The following MAP2K6 variants were observed in gnomAD, a reference collection of about 807,000 sequenced individuals.
MAP2K6 encodes the protein mitogen-activated protein kinase kinase 6.
A neutral mutation model predicts 53.7 loss-of-function variants in MAP2K6; 16 were observed. The ratio of observed to expected loss-of-function variants is 0.30; its 90% CI spans 0.20 to 0.45. MAP2K6 has a LOEUF of 0.45. Ranked by LOEUF, MAP2K6 falls within the 20% of genes least tolerant of loss-of-function variation. MAP2K6 has a pLI of 1.00. For missense variants in MAP2K6, 204 were observed against 411.9 expected, an observed-to-expected ratio of 0.50 and a Z score of 4.37; for synonymous variants, 132 against 143.1, an observed-to-expected ratio of 0.92 and a Z score of 0.55.
chr17:69,536,121 G>A lies in MAP2K6; in HGVS notation c.888G>A (p.Lys296=). 1 of 1,606,998 alleles carries A rather than the reference G, an allele frequency of 6.2e-7. No individual in the cohort carries two copies. Among genetic ancestry groups the A allele is most frequent in the East Asian group, 2.2e-5 (1 of 44,748 alleles). ...TTATTTTTTTTTCTTTAAGCTTAAAGAAGAATTCCAAAGAACGGCCTACAT... is the reference window on the plus strand; with the variant it reads ...TTATTTTTTTTTCTTTAAGCTTAAAAAAGAATTCCAAAGAACGGCCTACAT... ...EFVDFTSQCL[K]KNSKERPTYP... The change falls in exon 11 of 12, where the codon AAG becomes AAA. Residue 296 remains lysine, a synonymous_variant. Coordinates refer to ENST00000590474, the MANE Select transcript of MAP2K6 (RefSeq NM_002758.4).
At chr17:69,533,550 G>A (rs954469934) in intron 10 of MAP2K6, among the ~76,000 whole-genome samples, 4 of 152,136 alleles carry the variant, frequency 2.6e-5, no homozygotes, top group Non-Finnish European at 5.9e-5. Context: ...GATGCAATGC[G>A]GAGTTTAAGG....
At chr17:69,428,353 T>G (rs1473924357) in intron 1 of MAP2K6, among the ~76,000 whole-genome samples, 1 of 152,240 alleles carries the variant, frequency 6.6e-6, no homozygotes, top group African/African-American at 2.4e-5. Context: ...TCTCTGCATT[T>G]CTTCCCCTGT....
chr17:69,501,190 G>A (rs1909156284), intron 1 of MAP2K6, among the ~76,000 whole-genome samples: 2 of 152,150 alleles, frequency 1.3e-5, no homozygotes, highest in Non-Finnish European at 1.5e-5. Flanking sequence ...CCATCCTTTT[G>A]TGAAGCTGTG....
At chr17:69,481,311 A>G (rs1386563650) in intron 1 of MAP2K6, among the ~76,000 whole-genome samples, 2 of 152,186 alleles carry the variant, frequency 1.3e-5, no homozygotes, top group Non-Finnish European at 2.9e-5. Flanking sequence ...ATGTTGTAGC[A>G]TGTGTCAGAA....
intron 1 of MAP2K6, 120 bp downstream of exon 1, chr17:69,415,120 G>A (rs1905856589): frequency 2.2e-6 from 2 of 897,400 alleles, no homozygotes; most frequent in Non-Finnish European, 3.6e-6. Context: ...CCACAGCTCA[G>A]TTGCATTTCC....
At chr17:69,417,233 G>T (rs1905935128) in intron 1 of MAP2K6, among the ~76,000 whole-genome samples, 1 of 152,144 alleles carries the variant, frequency 6.6e-6, no homozygotes, top group African/African-American at 2.4e-5. Flanking sequence ...ATTCTCAAAT[G>T]GCCAAAATAC....
intron 1 of MAP2K6, among the ~76,000 whole-genome samples, chr17:69,487,148 A>T (rs1249616585): frequency 6.6e-6 from 1 of 152,190 alleles, no homozygotes; most frequent in East Asian, 1.9e-4. Context: ...TTTCCTTTGG[A>T]TACCAGAATT....
intron 1 of MAP2K6, among the ~76,000 whole-genome samples, chr17:69,483,850 G>T (rs971428347): frequency 1.1e-4 from 17 of 152,060 alleles, no homozygotes; most frequent in Non-Finnish European, 5.9e-5. Context: ...GGGGAAAGGA[G>T]TAGTCTTTTC....
chr17:69,501,109 G>C (rs779438684), intron 1 of MAP2K6, among the ~76,000 whole-genome samples: 15 of 152,208 alleles, frequency 9.9e-5, no homozygotes, highest in Non-Finnish European at 2.2e-4. Context: ...TAGATTGCCA[G>C]TTACTTGGCT....
In MAP2K6 at chr17:69,547,147, A is replaced by G. The variant is rs1166017754; in HGVS notation, c.*5394A>G. On this transcript the variant is annotated 3_prime_UTR_variant, in exon 12 of 12. Coordinates refer to ENST00000590474, the MANE Select transcript of MAP2K6 (RefSeq NM_002758.4). ...TGTTGAAAGCTAGGACCTTTTCCCC[A>G]GGAAAATTTACATTGTATATGAAGC... 1 of 151,952 alleles carries G rather than the reference A, an allele frequency of 6.6e-6. No homozygotes were observed. The highest frequency in any genetic ancestry group is 1.5e-5 in the Non-Finnish European group (1 of 67,982). 9.4% of individuals were successfully genotyped at this position (151,952 alleles called of 1,614,324 possible). A position where few individuals can be genotyped will look rare whatever the true frequency, so the allele number is the denominator to read the frequency against.
intron 1 of MAP2K6, among the ~76,000 whole-genome samples, chr17:69,470,708 G>A (rs545839026): frequency 1.3e-3 from 194 of 152,278 alleles, no homozygotes; most frequent in African/African-American, 4.3e-3. Flanking sequence ...ACTCCTCAAC[G>A]GCACTACCTG....
rs543787579 is a variant in MAP2K6 at position 69,533,186 on chromosome 17, G to C, written c.882-2929G>C. ...TCAAGTGAGCTCAAGTGATCCACCT[G>C]TCTCACCCTCACAAAGTGTTGGGAT... On this transcript the variant is annotated intron_variant, in intron 10 of 11. Coordinates refer to ENST00000590474, the MANE Select transcript of MAP2K6 (RefSeq NM_002758.4). Among the ~76,000 whole-genome samples the C allele has an allele frequency of 5.3e-5, 8 of 152,206 alleles. No individual in the cohort carries two copies. In the South Asian group the frequency reaches 1.7e-3, roughly 32 times the overall value.
chr17:69,486,161 A>G (rs1908528547), intron 1 of MAP2K6, among the ~76,000 whole-genome samples: 1 of 152,110 alleles, frequency 6.6e-6, no homozygotes, highest in South Asian at 2.1e-4. Context: ...CATTTTCTAA[A>G]TTGTTTTTCC....
chr17:69,480,052 G>A (rs1908293956), intron 1 of MAP2K6, among the ~76,000 whole-genome samples: 1 of 152,098 alleles, frequency 6.6e-6, no homozygotes, highest in South Asian at 2.1e-4. Context: ...AAGGGATTTG[G>A]AGAATTAATC....
rs1434777001 is a variant in MAP2K6, at chr17:69,547,547, T to C, written c.*5794T>C. 1.3e-5 allele frequency: 2 copies of C among 152,276 alleles called. No homozygotes were observed. The highest frequency in any genetic ancestry group is 4.8e-5 in the African/African-American group (2 of 41,478). The allele number at this position is 152,276 out of a possible 1,614,324, so 9.4% of individuals were successfully genotyped here. A position where few individuals can be genotyped will look rare whatever the true frequency, so the allele number is the denominator to read the frequency against. ...ATATAAAACTCTGATTAACTAGATA[T>C]GTAGAGTTCTTCCATTTTAGTGACT... On this transcript the variant is annotated 3_prime_UTR_variant, in exon 12 of 12. Transcript: ENST00000590474.
chr17:69,508,687 A>G (rs1369438022), intron 2 of MAP2K6, among the ~76,000 whole-genome samples: 2 of 152,224 alleles, frequency 1.3e-5, no homozygotes, highest in African/African-American at 2.4e-5. Context: ...GCTTTTGATA[A>G]TAAGTCTAAG....
intron 1 of MAP2K6, among the ~76,000 whole-genome samples, chr17:69,416,280 A>G (rs1905897422): frequency 6.6e-6 from 1 of 152,112 alleles, no homozygotes. Flanking sequence ...AGGAAGTAGT[A>G]ATCTCAAGCA....
At chr17:69,533,043 C>G (rs548684688) in intron 10 of MAP2K6, among the ~76,000 whole-genome samples, 2 of 152,134 alleles carry the variant, frequency 1.3e-5, no homozygotes, top group Non-Finnish European at 2.9e-5. Context: ...ATTCTTGTGC[C>G]TCAGCCTCCC....
rs1369882333 is a variant in MAP2K6, at chr17:69,516,868, T to A, written c.97T>A (p.Leu33Ile). The A allele has an allele frequency of 6.3e-7, 1 of 1,597,272 alleles. No homozygotes were observed. Among genetic ancestry groups the A allele is most frequent in the Non-Finnish European group, 8.6e-7 (1 of 1,165,652 alleles). ...TATCTTTCTTAGACCACCTCGAGAT[T>A]TAGACTCCAAGGCTTGCATTTCTAT... ...PQTSSTPPRD[L>I]DSKACISIGN... Residue 33 changes from leucine to isoleucine, a missense_variant, in exon 3 of 12, where the codon TTA (leucine) becomes ATA (isoleucine). Physicochemically the swap from Leu to Ile is conservative, Grantham distance 5. Transcript: ENST00000590474.
Sources: gnomAD v4.1 joint callset for allele counts (sites outside exome capture counted in the v4.1 genomes callset) on GRCh38, gnomAD v4.1.1 for gene constraint, MANE v1.5 for transcripts, NCBI Gene and HGNC (gene_info 2026-07-23, HGNC 2026-07-21) for gene names.